LMX1A: variants seen among roughly 807,000 people sequenced by gnomAD.
LMX1A encodes the protein LIM homeobox transcription factor 1 alpha, also known as LIM homeobox transcription factor 1-alpha.
LMX1A carries 15 observed loss-of-function variants against 49.1 expected under a neutral mutation model. That is an observed-to-expected ratio of 0.31 (90% CI 0.20 to 0.47). LMX1A has a LOEUF of 0.47. LMX1A is among the 20% of genes least tolerant of loss of function. LMX1A has a pLI of 1.00. For synonymous variants in LMX1A, 167 were observed against 185.7 expected, an observed-to-expected ratio of 0.90 and a Z score of 0.82; for missense variants, 372 against 475.8, an observed-to-expected ratio of 0.78 and a Z score of 2.03.
chr1:165,319,524 G>A (rs1046797161), intron 3 of LMX1A, among the ~76,000 whole-genome samples: 4 of 152,024 alleles, frequency 2.6e-5, no homozygotes, highest in African/African-American at 9.7e-5. Flanking sequence ...TAATAAATAT[G>A]TATTATCAGG....
At position 165,202,869 on chromosome 1, in the gene LMX1A, T is replaced by A. The variant is rs1650904583; in HGVS notation, c.*1011A>T. On this transcript the variant is annotated 3_prime_UTR_variant, in exon 9 of 9. Coordinates refer to ENST00000342310, the MANE Select transcript of LMX1A (RefSeq NM_177398.4). ...TATGTACCCTCCTTTGCCAAGTGAG[T>A]GGCCTGGTTGTATCTTAAACAAATA... The A allele has an allele frequency of 6.6e-6, 1 of 152,644 alleles. No individual in the cohort carries two copies. The highest frequency in any genetic ancestry group is 1.5e-5 in the Non-Finnish European group (1 of 68,062). 9.5% of individuals were successfully genotyped at this position (152,644 alleles called of 1,614,324 possible). A position where few individuals can be genotyped will look rare whatever the true frequency, so the allele number is the denominator to read the frequency against.
intron 3 of LMX1A, among the ~76,000 whole-genome samples, chr1:165,270,085 A>G (rs1423244802): frequency 6.6e-6 from 1 of 152,294 alleles, no homozygotes; most frequent in East Asian, 1.9e-4. Context: ...AATGTCCTCT[A>G]TCTGTGCTGT....
intron 3 of LMX1A, among the ~76,000 whole-genome samples, chr1:165,325,707 G>C (rs1655557459): frequency 6.6e-6 from 1 of 151,976 alleles, no homozygotes. Flanking sequence ...TTCTCTTTGA[G>C]AGCGTGAGAC....
intron 3 of LMX1A, among the ~76,000 whole-genome samples, chr1:165,287,831 TA>T (rs1168987422): frequency 6.6e-6 from 1 of 152,220 alleles, no homozygotes; most frequent in Non-Finnish European, 1.5e-5. Context: ...TATATTTCTC[TA>T]AAGGCTCTTT....
intron 3 of LMX1A, among the ~76,000 whole-genome samples, chr1:165,351,673 C>T (rs929141565): frequency 3.9e-5 from 6 of 152,232 alleles, no homozygotes; most frequent in African/African-American, 1.4e-4. Flanking sequence ...ACTCTCTCCA[C>T]ATGGGGTTAA....
chr1:165,352,603 G>C (rs1433858224), intron 3 of LMX1A, among the ~76,000 whole-genome samples: 1 of 152,228 alleles, frequency 6.6e-6, no homozygotes, highest in East Asian at 1.9e-4. Context: ...AGAAGCTGCG[G>C]GGTCAATACA....
Position 165,203,983 on chromosome 1 carries a change from C to T in LMX1A, c.1046G>A (p.Gly349Asp). Reference protein sequence around the residue: ...DSDDTSLSNLGDCFLATSEAG... With the variant: ...DSDDTSLSNLDDCFLATSEAG... ...TTCTGAGGTTGCTAGGAAACAATCA[C>T]CCAGGTTACTGAGGGAGGTGTCGTC... Residue 349 changes from glycine to aspartate, a missense_variant, in exon 9 of 9, where the codon GGT becomes GAT. By Grantham distance (94) the Gly-to-Asp change is moderately conservative. Around this residue, in one of 3 missense-constraint regions of LMX1A, gnomAD observed 127 missense variants for 138.0 expected, o/e 0.92. Transcript: ENST00000342310. The T allele has an allele frequency of 6.2e-7, 1 of 1,614,058 alleles. No homozygotes were observed. Among genetic ancestry groups the T allele is most frequent in the Non-Finnish European group, 8.5e-7 (1 of 1,179,994 alleles).
chr1:165,201,959 A>G lies in LMX1A; in HGVS notation c.*1921T>C, dbSNP rs1394814463. The G allele has an allele frequency of 1.3e-5, 2 of 152,510 alleles. No individual in the cohort carries two copies. The highest frequency in any genetic ancestry group is 2.4e-5 in the African/African-American group (1 of 41,390). 9.4% of individuals were successfully genotyped at this position (152,510 alleles called of 1,614,324 possible). ...TTTTCACTCACATAGTATCTCCTAC[A>G]TTCTCCAACTGGTCTTTACCACAGA... On this transcript the variant is annotated 3_prime_UTR_variant, in exon 9 of 9. Coordinates refer to ENST00000342310, the MANE Select transcript of LMX1A (RefSeq NM_177398.4).
intron 3 of LMX1A, among the ~76,000 whole-genome samples, chr1:165,325,365 A>G (rs1239208894): frequency 6.6e-6 from 1 of 152,188 alleles, no homozygotes; most frequent in African/African-American, 2.4e-5. Context: ...TTTTGTACCA[A>G]TGATAACTAG....
chr1:165,276,135 C>T (rs1014116765), intron 3 of LMX1A, among the ~76,000 whole-genome samples: 3 of 152,110 alleles, frequency 2.0e-5, no homozygotes, highest in Non-Finnish European at 2.9e-5. Flanking sequence ...TCATCCCTGG[C>T]TACAATCCTG....
chr1:165,229,857 C>T (rs548368893), intron 4 of LMX1A, among the ~76,000 whole-genome samples: 1 of 152,182 alleles, frequency 6.6e-6, no homozygotes, highest in Admixed American at 6.5e-5. Flanking sequence ...ACCAAAAATG[C>T]CAATAATGCT....
At chr1:165,231,260 T>C (rs2102620615) in intron 4 of LMX1A, among the ~76,000 whole-genome samples, 1 of 152,014 alleles carries the variant, frequency 6.6e-6, no homozygotes, top group Non-Finnish European at 1.5e-5. Flanking sequence ...TTTGAGGGTG[T>C]TGTTTAAAAC....
chr1:165,262,119 A>G (rs1434738002), intron 3 of LMX1A, among the ~76,000 whole-genome samples: 1 of 152,170 alleles, frequency 6.6e-6, no homozygotes, highest in Admixed American at 6.5e-5. Context: ...ACCTTCTATA[A>G]CCAAAATATA....
chr1:165,259,333 G>T (rs113192874), intron 3 of LMX1A, among the ~76,000 whole-genome samples: 60 of 152,270 alleles, frequency 3.9e-4, no homozygotes, highest in African/African-American at 1.3e-3. Context: ...CACTGGCCAC[G>T]AGTGTTGACC....
chr1:165,326,831 T>C (rs1330772613), intron 3 of LMX1A, among the ~76,000 whole-genome samples: 1 of 152,198 alleles, frequency 6.6e-6, no homozygotes, highest in Admixed American at 6.5e-5. Flanking sequence ...AGATTCTAGA[T>C]GTCTAGAGAT....
chr1:165,294,351 C>T (rs1235306917), intron 3 of LMX1A, among the ~76,000 whole-genome samples: 10 of 152,128 alleles, frequency 6.6e-5, no homozygotes, highest in African/African-American at 1.7e-4. Context: ...AGCAAAGTGC[C>T]GGAACAGCCA....
Position 165,355,765 on chromosome 1 carries a change from G to A in LMX1A, c.-22-184C>T, listed in dbSNP as rs55712954. 0.017 allele frequency: 10,048 copies of A among 594,828 alleles called. 511 individuals carry two copies. Among genetic ancestry groups the A allele is most frequent in the African/African-American group, 0.11 (5,936 of 53,822 alleles). 36.8% of individuals were successfully genotyped at this position (594,828 alleles called of 1,614,324 possible). The stretch of plus-strand genomic sequence containing the variant: ...AGATCAGTCACAGCGAACTGCTCTG[G>A]CTGATCTGATTTCACTTGAAGTCAA... On this transcript the variant is annotated intron_variant, in intron 1 of 8. Transcript: ENST00000342310. The surrounding 1 kb of genome is among the most constrained non-coding windows in gnomAD (Gnocchi z 4.7).
At chr1:165,351,304 G>A (rs1656420093) in intron 3 of LMX1A, among the ~76,000 whole-genome samples, 1 of 152,098 alleles carries the variant, frequency 6.6e-6, no homozygotes, top group African/African-American at 2.4e-5. Flanking sequence ...TAAAGATTGG[G>A]TCTACACAAT....
chr1:165,218,882 G>GT (rs1651734255), intron 4 of LMX1A: 1 of 152,200 alleles, frequency 6.6e-6, no homozygotes, highest in Admixed American at 6.5e-5. Flanking sequence ...CAGCGGAGAT[G>GT]AAAGGAACAC....
Sources: allele counts gnomAD v4.1 joint callset (sites outside exome capture counted in the v4.1 genomes callset), GRCh38; gene constraint gnomAD v4.1.1; regional missense constraint gnomAD v4.1.1; non-coding constraint Gnocchi (gnomAD v3.1); transcripts MANE v1.5; gene names NCBI Gene and HGNC (gene_info 2026-07-23, HGNC 2026-07-21).